The following TMOD2 variants were observed in gnomAD, a reference collection of about 807,000 sequenced individuals.
The protein encoded by TMOD2 is tropomodulin-2.
In TMOD2, 22 loss-of-function variants were observed where a neutral mutation model predicts 39.9. The observed-to-expected ratio is 0.55, with a 90% CI of 0.39 to 0.79. The LOEUF is 0.79. Ranked by LOEUF, TMOD2 falls within the 30% of genes least tolerant of loss-of-function variation. TMOD2 has a pLI of 0.00. For missense variants in TMOD2, 386 were observed against 413.3 expected (o/e 0.93, Z 0.57); for synonymous variants, 123 against 146.1 (o/e 0.84, Z 1.14).
chr15:51,800,742 A>G (rs1440012989), intron 8 of TMOD2, among the ~76,000 whole-genome samples: 1 of 152,022 alleles, frequency 6.6e-6, no homozygotes, highest in South Asian at 2.1e-4. Flanking sequence ...GTCTCACTCT[A>G]TGGCCCAGGC....
At chr15:51,786,688 C>T (rs1056742412) in intron 7 of TMOD2, among the ~76,000 whole-genome samples, 3 of 152,200 alleles carry the variant, frequency 2.0e-5, no homozygotes, top group African/African-American at 7.2e-5. Flanking sequence ...CAAGCACTTT[C>T]ATATAACCAC....
At chr15:51,778,334 T>G (rs2055903354) in intron 5 of TMOD2, among the ~76,000 whole-genome samples, 1 of 79,094 alleles carries the variant, frequency 1.3e-5, no homozygotes, top group Non-Finnish European at 2.3e-5. Context: ...TGGGGACTGT[T>G]GTGGGGTGGG....
Position 51,814,243 on chromosome 15 carries a change from C to T in TMOD2, c.*5789C>T, listed in dbSNP as rs1017308905. 2 of 152,194 alleles carry T rather than the reference C, an allele frequency of 1.3e-5. No homozygotes were observed. The highest frequency in any genetic ancestry group is 2.9e-5 in the Non-Finnish European group (2 of 68,104). 9.4% of individuals were successfully genotyped at this position (152,194 alleles called of 1,614,324 possible). A position where few individuals can be genotyped will look rare whatever the true frequency, so the allele number is the denominator to read the frequency against. ...CTAAGACTTCAGGTTTGACTGGAGG[C>T]CTAGGAGAGAAGAGTGTCCTTAGGG... On this transcript the variant is annotated 3_prime_UTR_variant, in exon 10 of 10. Transcript: ENST00000249700.
At chr15:51,787,516 G>A (rs773183856) in intron 7 of TMOD2, among the ~76,000 whole-genome samples, 26 of 152,236 alleles carry the variant, frequency 1.7e-4, no homozygotes, top group Admixed American at 1.3e-3. Context: ...CCAGCATGGC[G>A]TTCGAGCTCC....
At chr15:51,797,533 G>A (rs1213312409) in intron 7 of TMOD2, among the ~76,000 whole-genome samples, 1 of 151,900 alleles carries the variant, frequency 6.6e-6, no homozygotes, top group Non-Finnish European at 1.5e-5. Flanking sequence ...GTTTTGTTTT[G>A]TTTTCTTGCA....
intron 1 of TMOD2, among the ~76,000 whole-genome samples, chr15:51,757,346 G>C (rs1744101012): frequency 7.3e-6 from 1 of 137,264 alleles, no homozygotes; most frequent in African/African-American, 2.8e-5. Flanking sequence ...AGCTTGCAGT[G>C]AACGGAGATC....
Position 51,809,770 on chromosome 15 carries a change from T to C in TMOD2, c.*1316T>C, listed in dbSNP as rs2056144390. The C allele has an allele frequency of 6.6e-6, 1 of 152,166 alleles. No individual in the cohort carries two copies. Among genetic ancestry groups the C allele is most frequent in the Non-Finnish European group, 1.5e-5 (1 of 68,032 alleles). The allele number at this position is 152,166 out of a possible 1,614,324, so 9.4% of individuals were successfully genotyped here. On this transcript the variant is annotated 3_prime_UTR_variant, in exon 10 of 10. Transcript: ENST00000249700. ...TTCTTCCAATTCATTGTCTTTTTTT[T>C]CCTCTTTTCTCTGTAATTTGTTACT...
At chr15:51,800,826 C>T (rs945446806) in intron 8 of TMOD2, among the ~76,000 whole-genome samples, 13 of 152,158 alleles carry the variant, frequency 8.5e-5, no homozygotes, top group African/African-American at 3.1e-4. Flanking sequence ...CCACTTCAGC[C>T]TTCTGAGTAA....
chr15:51,764,211 A>G (rs541124000), intron 1 of TMOD2, among the ~76,000 whole-genome samples: 169 of 152,232 alleles, frequency 1.1e-3, no homozygotes, highest in African/African-American at 3.9e-3. Context: ...CAGCTACTCC[A>G]GAGGTTGAGG....
At chr15:51,788,613 C>T (rs1206677140) in intron 7 of TMOD2, among the ~76,000 whole-genome samples, 1 of 152,112 alleles carries the variant, frequency 6.6e-6, no homozygotes, top group Non-Finnish European at 1.5e-5. Context: ...ATGTTAAGGG[C>T]AGCCAGAGAG....
chr15:51,768,684 G>A (rs1268093868), intron 3 of TMOD2, among the ~76,000 whole-genome samples: 4 of 150,906 alleles, frequency 2.7e-5, no homozygotes, highest in African/African-American at 9.8e-5. Context: ...GTCGTGGAGG[G>A]TCAAGCAAGG....
rs932572472 is a variant in TMOD2, at chr15:51,780,519, G to A, written c.494-525G>A. On this transcript the variant is annotated intron_variant, in intron 5 of 9. Transcript: ENST00000249700. The stretch of plus-strand genomic sequence containing the variant: ...TGGGATATTAATCCTTTGTATCTCT[G>A]TTAACTATTTTTGAGAATTCTTCCA... 4.6e-5 allele frequency among the ~76,000 whole-genome samples: 7 copies of A among 152,160 alleles called. No individual in the cohort carries two copies. In the East Asian group the frequency reaches 1.3e-3, roughly 29 times the overall value.
At position 51,799,151 on chromosome 15, in the gene TMOD2, G is replaced by C. The variant is rs1257197778; in HGVS notation, c.876+811G>C. On this transcript the variant is annotated intron_variant, in intron 8 of 9. Coordinates refer to ENST00000249700, the MANE Select transcript of TMOD2 (RefSeq NM_014548.4). ...GTAGAGCCCTGCTCCTCTGGCCATGGGGAAGGGTCTGTGATGGGGTTCCAG... is the reference window on the plus strand; with the variant it reads ...GTAGAGCCCTGCTCCTCTGGCCATGCGGAAGGGTCTGTGATGGGGTTCCAG... Among the ~76,000 whole-genome samples, 3 of 152,302 alleles carry C rather than the reference G, an allele frequency of 2.0e-5. No homozygotes were observed. The East Asian group carries it at 5.8e-4, about 29-fold the overall frequency.
At chr15:51,785,253 A>C (rs964907715) in intron 7 of TMOD2, among the ~76,000 whole-genome samples, 2 of 151,984 alleles carry the variant, frequency 1.3e-5, no homozygotes, top group African/African-American at 4.8e-5. Flanking sequence ...TCTACTAAAA[A>C]TACAAAAAAT....
In TMOD2 at chr15:51,761,991, C is replaced by CA. The variant is rs58972741; in HGVS notation, c.-69-4374dup. 9.3e-3 allele frequency among the ~76,000 whole-genome samples: 1,402 copies of CA among 150,908 alleles called. 14 individuals carry two copies. The highest frequency in any genetic ancestry group is 0.019 in the African/African-American group (774 of 41,126). On this transcript the variant is annotated intron_variant, in intron 1 of 9. Coordinates refer to ENST00000249700, the MANE Select transcript of TMOD2 (RefSeq NM_014548.4). The stretch of plus-strand genomic sequence containing the variant: ...TGAAACCCTGTCTCTACTAAAAATA[C>CA]AAAAAAAATTATCCGGGCGTGGTGG...
chr15:51,795,472 C>G (rs1364042068), intron 7 of TMOD2, among the ~76,000 whole-genome samples: 1 of 150,886 alleles, frequency 6.6e-6, no homozygotes. Flanking sequence ...TGCTGAGTGT[C>G]TAGTTATTTC....
chr15:51,776,823 G>A, intron 4 of TMOD2, 109 bp from the exon 5 acceptor site: 1 of 875,408 alleles, frequency 1.1e-6, no homozygotes, highest in Non-Finnish European at 1.9e-6. Context: ...AGAGGACTCA[G>A]GGACTTATCT....
chr15:51,805,752 CA>C (rs1306993339), intron 8 of TMOD2, among the ~76,000 whole-genome samples: 3 of 151,980 alleles, frequency 2.0e-5, no homozygotes, highest in Admixed American at 2.0e-4. Flanking sequence ...TCATGTACCC[CA>C]TAAATATTAT....
chr15:51,805,855 T>C (rs570264910), intron 8 of TMOD2, among the ~76,000 whole-genome samples: 2 of 152,372 alleles, frequency 1.3e-5, no homozygotes. Context: ...GGTTGTACAA[T>C]ATTGTGATTG....
Sources: gnomAD v4.1 joint callset for allele counts (sites outside exome capture counted in the v4.1 genomes callset) on GRCh38, gnomAD v4.1.1 for gene constraint, MANE v1.5 for transcripts, NCBI Gene and HGNC (gene_info 2026-07-23, HGNC 2026-07-21) for gene names.